The following IFT172 variants were observed in gnomAD, a reference collection of about 807,000 sequenced individuals.
IFT172 encodes the protein intraflagellar transport 172.
In IFT172, 164 loss-of-function variants were observed where a neutral mutation model predicts 248.9. The ratio of observed to expected loss-of-function variants is 0.66; its 90% CI spans 0.58 to 0.75. The LOEUF is 0.75. IFT172 is among the 30% of genes least tolerant of loss of function. The pLI is 0.00. For synonymous variants in IFT172, 729 were observed against 791.6 expected (o/e 0.92, Z 1.33); for missense variants, 1,950 against 2,192.4 (o/e 0.89, Z 2.21).
chr2:27,457,851 T>C lies in IFT172; in HGVS notation c.3101A>G (p.His1034Arg), dbSNP rs767795893. ...AGGAGAAGGGCTCACCTTGCCCAGA[T>C]GTAGGTGTGTATCACTGAGGAGATC... ...HPDLLSDTHL[H>R]LGKELEAEGR... Residue 1034 changes from histidine (H) to arginine (R), a missense_variant, in exon 28 of 48, where the codon CAT becomes CGT. Physicochemically the swap from His to Arg is conservative, Grantham distance 29. Around this residue, in one of 3 missense-constraint regions of IFT172, gnomAD observed 164 missense variants for 239.3 expected, o/e 0.69. Coordinates refer to ENST00000260570, the MANE Select transcript of IFT172 (RefSeq NM_015662.3). 6.2e-7 allele frequency: 1 copy of C among 1,614,136 alleles called. No homozygotes were observed. Among genetic ancestry groups the C allele is most frequent in the East Asian group, 2.2e-5 (1 of 44,866 alleles).
chr2:27,483,591 G>T lies in IFT172; in HGVS notation c.471C>A (p.Ser157=). ...TCCTCTTTACTCACTTTGTTGTCAG[G>T]GACACCACGTAAGACTCTGTCCCAT... ...TIYGTESYVV[S]LTTNCSGKGI... is the part of the protein sequence containing the mutation. The change falls in exon 6 of 48, where the codon TCC becomes TCA. Residue 157 remains serine, a synonymous_variant. Transcript: ENST00000260570. The T allele has an allele frequency of 6.2e-7, 1 of 1,613,902 alleles. No individual in the cohort carries two copies. The highest frequency in any genetic ancestry group is 8.5e-7 in the Non-Finnish European group (1 of 1,179,962).
Position 27,447,851 on chromosome 2 carries a change from A to T in IFT172, c.4500T>A (p.Tyr1500Ter), listed in dbSNP as rs1456462116. 6.2e-7 allele frequency: 1 copy of T among 1,613,820 alleles called. No individual in the cohort carries two copies. The change falls in exon 41 of 48, where the codon TAT (tyrosine) becomes TAA (stop). Residue 1500 changes from tyrosine to a stop codon, truncating the protein, a stop_gained. Transcript: ENST00000260570. LOFTEE classifies it high-confidence loss of function. ...CATCTCGAAGATCAGCCCAGCTATGATAGGCCTCGGCACAGTTGGTTCCAG... is the reference window on the plus strand; with the variant it reads ...CATCTCGAAGATCAGCCCAGCTATGTTAGGCCTCGGCACAGTTGGTTCCAG... ...SSPGTNCAEA[Y>*]HSWADLRDVL...
chr2:27,476,533 C>G, intron 14 of IFT172, 108 bp downstream of exon 14: 3 of 689,296 alleles, frequency 4.4e-6, no homozygotes, highest in Non-Finnish European at 7.8e-6. Context: ...TACTATTTAC[C>G]TGGTGCGTCT....
Position 27,445,232 on chromosome 2 carries a change from T to G in IFT172, c.5068+64A>C, listed in dbSNP as rs532307393. On this transcript the variant is annotated intron_variant, in intron 46 of 47. Coordinates refer to ENST00000260570, the MANE Select transcript of IFT172 (RefSeq NM_015662.3). This position sits in a 1 kb window ranked among gnomAD's most constrained non-coding sequence, Gnocchi z 4.4. ...ACCCTTTACTGAATCCTAGTAAAATTAAGTTTATTGATCCTGCTGCTTTCT... is the reference window on the plus strand; with the variant it reads ...ACCCTTTACTGAATCCTAGTAAAATGAAGTTTATTGATCCTGCTGCTTTCT... The G allele has an allele frequency of 1.3e-6, 2 of 1,583,120 alleles. No individual in the cohort carries two copies. The highest frequency in any genetic ancestry group is 2.2e-5 in the East Asian group (1 of 44,456).
rs1665274938 is a variant in IFT172 at position 27,447,709 on chromosome 2, C to T, written c.4540-75G>A. 9 of 1,609,714 alleles carry T rather than the reference C, an allele frequency of 5.6e-6. No homozygotes were observed. The South Asian group carries it at 9.9e-5, about 18-fold the overall frequency. Reference sequence around the variant, plus strand: ...GGGCCATAGAGTGGTCTCTGATAGCCACCTGGCAGAGGAAGGTAAAATACA... The same window carrying T: ...GGGCCATAGAGTGGTCTCTGATAGCTACCTGGCAGAGGAAGGTAAAATACA... On this transcript the variant is annotated intron_variant, in intron 41 of 47. Coordinates refer to ENST00000260570, the MANE Select transcript of IFT172 (RefSeq NM_015662.3).
In IFT172 at chr2:27,485,408, T is replaced by A. The variant is rs1350745027; in HGVS notation, c.135A>T (p.Glu45Asp). The A allele has an allele frequency of 1.8e-5, 29 of 1,614,082 alleles. No individual in the cohort carries two copies. The highest frequency in any genetic ancestry group is 4.0e-5 in the African/African-American group (3 of 74,940). The change falls in exon 2 of 48, where the codon GAA becomes GAT. Residue 45 changes from glutamate to aspartate, a missense_variant. Physicochemically the swap from Glu to Asp is conservative, Grantham distance 45 (BLOSUM62 2). Around this residue, in one of 3 missense-constraint regions of IFT172, gnomAD observed 1,166 missense variants for 1,254.1 expected, o/e 0.93. Coordinates refer to ENST00000260570, the MANE Select transcript of IFT172 (RefSeq NM_015662.3). ...AGAATTTATCTCTCCGTTCTCCATGTTCATCATACAGCAAGACCACTCGGT... is the reference window on the plus strand; with the variant it reads ...AGAATTTATCTCTCCGTTCTCCATGATCATCATACAGCAAGACCACTCGGT... The part of the protein sequence containing the change: ...TVDRVVLLYD[E>D]HGERRDKFST...
chr2:27,458,054 C>G, intron 27 of IFT172, 72 bp downstream of exon 27: 1 of 1,612,472 alleles, frequency 6.2e-7, no homozygotes, highest in Non-Finnish European at 8.5e-7. Context: ...GGTACACATC[C>G]TCAGACCCCA....
chr2:27,455,218 C>T lies in IFT172; in HGVS notation c.3372-558G>A, dbSNP rs75274853. The T allele has an allele frequency of 6.3e-3, 2,071 of 327,118 alleles. 142 individuals carry two copies. The East Asian group carries it at 0.16, about 25-fold the overall frequency. The allele number at this position is 327,118 out of a possible 1,614,324, so 20.3% of individuals were successfully genotyped here. ...GCATCAACAATGCCAGAAAGAGAGG[C>T]AAACGGCAGGTCCTTATTAGGCTGT... On this transcript the variant is annotated intron_variant, in intron 30 of 47. Transcript: ENST00000260570.
At chr2:27,455,318 A>T in intron 30 of IFT172, 2 of 327,048 alleles carry the variant, frequency 6.1e-6, no homozygotes, top group Non-Finnish European at 1.2e-5. Context: ...ATAATTGATG[A>T]TCACAGCTAG....
In IFT172 at chr2:27,445,662, A is replaced by G. The variant is rs1665009266; in HGVS notation, c.4914+83T>C. The G allele has an allele frequency of 2.0e-6, 3 of 1,524,974 alleles. No individual in the cohort carries two copies. The South Asian group carries it at 3.5e-5, about 18-fold the overall frequency. 94.5% of individuals were successfully genotyped at this position (1,524,974 alleles called of 1,614,324 possible). ...AACAGTGAGGGCTGAGGTCCTTCCA[A>G]AGATGGCAGCACAAAGATATTCTCC... On this transcript the variant is annotated intron_variant, in intron 45 of 47. Transcript: ENST00000260570. The surrounding 1 kb of genome is among the most constrained non-coding windows in gnomAD (Gnocchi z 4.4).
chr2:27,453,042 T>C (rs1484868879), intron 35 of IFT172: 8 of 362,900 alleles, frequency 2.2e-5, no homozygotes, highest in Non-Finnish European at 2.1e-5. Flanking sequence ...CTTCCCTCCT[T>C]CTTCACAGAG....
chr2:27,451,649 C>T (rs763593798), intron 35 of IFT172, among the ~76,000 whole-genome samples: 4 of 152,124 alleles, frequency 2.6e-5, no homozygotes, highest in Non-Finnish European at 5.9e-5. Flanking sequence ...ACCTGTAGTC[C>T]CAGCTACTCA....
intron 16 of IFT172, among the ~76,000 whole-genome samples, chr2:27,468,039 A>G (rs1285412867): frequency 5.3e-5 from 8 of 151,832 alleles, no homozygotes; most frequent in Admixed American, 4.6e-4. Flanking sequence ...ATGCGCCTGC[A>G]GTTCCAGCTA....
Position 27,480,135 on chromosome 2 carries a change from T to G in IFT172, c.800A>C (p.Asn267Thr). The G allele has an allele frequency of 6.2e-7, 1 of 1,613,946 alleles. No individual in the cohort carries two copies. The highest frequency in any genetic ancestry group is 1.3e-5 in the African/African-American group (1 of 75,052). The change falls in exon 9 of 48, where the codon AAC becomes ACC. Residue 267 changes from asparagine (N) to threonine (T), a missense_variant. Asn to Thr is a moderately conservative substitution (Grantham distance 65, BLOSUM62 0). This residue lies in a region of IFT172 where 1,166 missense variants were observed against 1,254.1 expected (regional missense o/e 0.93). Transcript: ENST00000260570. The stretch of plus-strand genomic sequence containing the variant: ...CCAGATGCTTCTTCGAGGGATCCAG[T>G]TGAACACCCGAAGCCTGAAATAAAG... ...LGSYDRLRVF[N>T]WIPRRSIWEE...
intron 18 of IFT172, among the ~76,000 whole-genome samples, chr2:27,464,589 G>A (rs180849119): frequency 7.3e-5 from 11 of 151,678 alleles, no homozygotes; most frequent in Non-Finnish European, 1.5e-4. Flanking sequence ...AGAAGGGGCA[G>A]TAAAAATAAT....
intron 19 of IFT172, 83 bp from the exon 20 acceptor site, chr2:27,462,876 A>T: frequency 7.2e-7 from 1 of 1,396,882 alleles, no homozygotes; most frequent in East Asian, 2.3e-5. Context: ...GGCCAGAAGG[A>T]TGTAGAAAAC....
intron 8 of IFT172, 140 bp from the exon 9 acceptor site, chr2:27,480,289 AG>A: frequency 7.8e-7 from 1 of 1,285,310 alleles, no homozygotes; most frequent in Non-Finnish European, 1.0e-6. Context: ...GCAGTCTAGC[AG>A]AAGAGGATAT....
rs773726175 is a variant in IFT172 at position 27,478,123 on chromosome 2, C to G, written c.1039G>C (p.Val347Leu). ...IVKNLSSGTR[V>L]VLKSHYGYEV... Reference sequence around the variant, plus strand: ...TAGCCATAGTGTGACTTGAGCACCACTCGGGTTCCTGATGACAGGTTCTTC... The same window carrying G: ...TAGCCATAGTGTGACTTGAGCACCAGTCGGGTTCCTGATGACAGGTTCTTC... Residue 347 changes from valine (V) to leucine (L), a missense_variant, in exon 11 of 48, where the codon GTG becomes CTG. Val to Leu is a conservative substitution (Grantham distance 32, BLOSUM62 1). Coordinates refer to ENST00000260570, the MANE Select transcript of IFT172 (RefSeq NM_015662.3). The G allele has an allele frequency of 3.7e-6, 6 of 1,614,070 alleles. No individual in the cohort carries two copies. Among genetic ancestry groups the G allele is most frequent in the African/African-American group, 2.7e-5 (2 of 74,916 alleles).
chr2:27,454,032 C>T lies in IFT172; in HGVS notation c.3661G>A (p.Gly1221Arg). 6.2e-7 allele frequency: 1 copy of T among 1,614,152 alleles called. No homozygotes were observed. The highest frequency in any genetic ancestry group is 8.5e-7 in the Non-Finnish European group (1 of 1,180,034). The change falls in exon 33 of 48, where the codon GGG becomes AGG. Residue 1221 changes from glycine (G) to arginine (R), a missense_variant. Around this residue, in one of 3 missense-constraint regions of IFT172, gnomAD observed 620 missense variants for 699.0 expected, o/e 0.89. Coordinates refer to ENST00000260570, the MANE Select transcript of IFT172 (RefSeq NM_015662.3). The surrounding 1 kb of genome is among the most constrained non-coding windows in gnomAD (Gnocchi z 4.2). ...GGTCTCTGGGCCCGGAGCAGCAGCCCTTCTGCTTTCTGAAAGTCCTTCTCC... is the reference window on the plus strand; with the variant it reads ...GGTCTCTGGGCCCGGAGCAGCAGCCTTTCTGCTTTCTGAAAGTCCTTCTCC... Reference protein sequence around the residue: ...LEEKDFQKAEGLLLRAQRPGL... With the variant: ...LEEKDFQKAERLLLRAQRPGL...
Sources: allele counts gnomAD v4.1 joint callset (sites outside exome capture counted in the v4.1 genomes callset), GRCh38; gene constraint gnomAD v4.1.1; regional missense constraint gnomAD v4.1.1; non-coding constraint Gnocchi (gnomAD v3.1); transcripts MANE v1.5; gene names NCBI Gene and HGNC (gene_info 2026-07-23, HGNC 2026-07-21).